The following PCSK6 variants were observed in gnomAD, a reference collection of about 807,000 sequenced individuals.
PCSK6 encodes proprotein convertase subtilisin/kexin type 6, also known as paired basic amino acid cleaving enzyme 4.
In PCSK6, 85 loss-of-function variants were observed where a neutral mutation model predicts 123.3. The observed-to-expected ratio is 0.69, with a 90% CI of 0.58 to 0.83. PCSK6 has a LOEUF of 0.83. Among genes scored for constraint, PCSK6 ranks in the 40% least tolerant of loss-of-function variants. The probability of loss-of-function intolerance (pLI) is 0.00; values close to 1 mark genes in which losing one functional copy is unlikely to be tolerated. For synonymous variants in PCSK6, 508 were observed against 516.0 expected (o/e 0.98, Z 0.21); for missense variants, 1,191 against 1,282.3 (o/e 0.93, Z 1.09).
At chr15:101,366,444 C>T (rs1366798599) in intron 12 of PCSK6, 112 bp from the exon 13 acceptor site, 1 of 1,127,332 alleles carries the variant, frequency 8.9e-7, no homozygotes, top group Non-Finnish European at 1.2e-6. Context: ...CTGGACCGTA[C>T]CCCCAGGGTA....
At chr15:101,436,241 C>A (rs947129717) in intron 2 of PCSK6, among the ~76,000 whole-genome samples, 1 of 152,128 alleles carries the variant, frequency 6.6e-6, no homozygotes, top group African/African-American at 2.4e-5. Flanking sequence ...AGTCTTTGCT[C>A]TGAGATGGAG....
At chr15:101,366,456 C>T (rs929973887) in intron 12 of PCSK6, 124 bp from the exon 13 acceptor site, 23 of 971,618 alleles carry the variant, frequency 2.4e-5, no homozygotes, top group African/African-American at 1.7e-4. Flanking sequence ...CCCAGGGTAG[C>T]GGGGGTCTGG....
chr15:101,362,473 C>G (rs567897343), intron 13 of PCSK6, among the ~76,000 whole-genome samples: 2 of 152,072 alleles, frequency 1.3e-5, no homozygotes, highest in Non-Finnish European at 2.9e-5. Context: ...TGGATGGGAA[C>G]AAAGAGCAGA....
At chr15:101,351,173 C>T (rs1177563645) in intron 13 of PCSK6, among the ~76,000 whole-genome samples, 2 of 152,146 alleles carry the variant, frequency 1.3e-5, no homozygotes, top group Non-Finnish European at 2.9e-5. Context: ...TGAAATTGGC[C>T]ATGGCGGGAT....
chr15:101,355,827 C>T (rs929987263), intron 13 of PCSK6, among the ~76,000 whole-genome samples: 2 of 152,190 alleles, frequency 1.3e-5, no homozygotes, highest in South Asian at 4.1e-4. Context: ...CTGACCTTGG[C>T]AGGTGCACAG....
intron 13 of PCSK6, chr15:101,334,501 G>T (rs2040433871): frequency 1.3e-5 from 2 of 152,200 alleles, no homozygotes; most frequent in Admixed American, 1.3e-4. Context: ...TGCAGGTGCA[G>T]AAAACAAGCC....
chr15:101,324,614 T>C (rs1453346740), intron 17 of PCSK6, among the ~76,000 whole-genome samples: 3 of 152,210 alleles, frequency 2.0e-5, no homozygotes, highest in Non-Finnish European at 4.4e-5. Flanking sequence ...AGCCAGGATG[T>C]CTCTCAGCAT....
chr15:101,454,773 C>A (rs939597454), intron 1 of PCSK6, among the ~76,000 whole-genome samples: 1 of 152,052 alleles, frequency 6.6e-6, no homozygotes, highest in Non-Finnish European at 1.5e-5. Context: ...CGTGAAACCC[C>A]GCCTCTACCA....
At chr15:101,397,728 T>C (rs2042455109) in intron 7 of PCSK6, among the ~76,000 whole-genome samples, 1 of 152,248 alleles carries the variant, frequency 6.6e-6, no homozygotes, top group South Asian at 2.1e-4. Context: ...CTGGCTCATC[T>C]GCAGCCACCT....
rs540770615 is a variant in PCSK6 at position 101,378,785 on chromosome 15, A to C, written c.1532+3307T>G. On this transcript the variant is annotated intron_variant, in intron 11 of 21. Transcript: ENST00000611716. ...CAAACCCCCCAGTCCCCAGATGTGC[A>C]GTGTCCAGGTGAGAAATGCCAACGT... 4.0e-4 allele frequency among the ~76,000 whole-genome samples: 61 copies of C among 152,312 alleles called. No homozygotes were observed. In the South Asian group the frequency reaches 0.012, roughly 30 times the overall value.
intron 17 of PCSK6, 113 bp from the exon 18 acceptor site, chr15:101,322,720 G>T (rs1332595418): frequency 4.4e-6 from 3 of 686,696 alleles, no homozygotes; most frequent in Admixed American, 2.2e-5. Context: ...GCTGTTCCCC[G>T]AGTCCACCTC....
At chr15:101,397,880 G>A (rs2141572067) in intron 7 of PCSK6, among the ~76,000 whole-genome samples, 1 of 152,354 alleles carries the variant, frequency 6.6e-6, no homozygotes, top group Middle Eastern at 3.4e-3. Context: ...TTAGCCCCTT[G>A]TGAGGTTCCC....
At chr15:101,369,062 C>T (rs1249559622) in intron 12 of PCSK6, among the ~76,000 whole-genome samples, 3 of 152,078 alleles carry the variant, frequency 2.0e-5, no homozygotes, top group Non-Finnish European at 1.5e-5. Context: ...GTGGGATGGG[C>T]TGAGCTTGGT....
chr15:101,391,670 T>C (rs1234699440), intron 8 of PCSK6, among the ~76,000 whole-genome samples: 2 of 152,234 alleles, frequency 1.3e-5, no homozygotes, highest in African/African-American at 4.8e-5. Context: ...GACAGGGTTG[T>C]GATCGCCATC....
chr15:101,401,857 T>C (rs1248049181), intron 6 of PCSK6, among the ~76,000 whole-genome samples: 2 of 152,046 alleles, frequency 1.3e-5, no homozygotes, highest in African/African-American at 2.4e-5. Context: ...AGGTAATTTA[T>C]AGATTCAATG....
chr15:101,345,163 A>C (rs904619812), intron 13 of PCSK6, among the ~76,000 whole-genome samples: 1 of 152,176 alleles, frequency 6.6e-6, no homozygotes, highest in Non-Finnish European at 1.5e-5. Flanking sequence ...CTTCAAGCAA[A>C]AGCCGGACCA....
chr15:101,416,650 C>T (rs927492664), intron 6 of PCSK6, among the ~76,000 whole-genome samples: 5 of 152,240 alleles, frequency 3.3e-5, no homozygotes, highest in East Asian at 1.9e-4. Context: ...TCATGGGCCA[C>T]GCCCAGGGTC....
intron 6 of PCSK6, among the ~76,000 whole-genome samples, chr15:101,424,658 G>A (rs1226166073): frequency 6.6e-6 from 1 of 152,178 alleles, no homozygotes; most frequent in Non-Finnish European, 1.5e-5. Flanking sequence ...TAAGTAGTTT[G>A]CGGTCAACTA....
intron 13 of PCSK6, among the ~76,000 whole-genome samples, chr15:101,359,976 C>T (rs988205021): frequency 6.6e-6 from 1 of 152,166 alleles, no homozygotes; most frequent in African/African-American, 2.4e-5. Flanking sequence ...AGCTCCTGAT[C>T]TTCTCTCCAG....
Sources: gnomAD v4.1 joint callset for allele counts (sites outside exome capture counted in the v4.1 genomes callset) on GRCh38, gnomAD v4.1.1 for gene constraint, MANE v1.5 for transcripts, NCBI Gene and HGNC (gene_info 2026-07-23, HGNC 2026-07-21) for gene names.